Variants in PRDM15 observed in about 807,000 individuals in gnomAD.
PRDM15 encodes the protein PR/SET domain 15.
A neutral mutation model predicts 128.6 loss-of-function variants in PRDM15; 64 were observed. The ratio of observed to expected loss-of-function variants is 0.50; its 90% CI spans 0.41 to 0.61. The LOEUF is 0.61. PRDM15 is among the 20% of genes least tolerant of loss of function. PRDM15 has a pLI of 0.00. For missense variants in PRDM15, 1,242 were observed against 1,569.1 expected, an observed-to-expected ratio of 0.79 and a Z score of 3.52; for synonymous variants, 615 against 621.8, an observed-to-expected ratio of 0.99 and a Z score of 0.16.
At chr21:41,871,066 A>G (rs1470295231) in intron 1 of PRDM15, among the ~76,000 whole-genome samples, 1 of 152,214 alleles carries the variant, frequency 6.6e-6, no homozygotes, top group African/African-American at 2.4e-5. Flanking sequence ...CAGATAAAAC[A>G]CAGATACAGA....
chr21:41,872,493 AT>A (rs1374008743), intron 1 of PRDM15, among the ~76,000 whole-genome samples: 1 of 152,226 alleles, frequency 6.6e-6, no homozygotes, highest in Non-Finnish European at 1.5e-5. Flanking sequence ...TTCATTATCA[AT>A]AACTTTAATT....
chr21:41,822,591 C>T (rs1192238725), intron 14 of PRDM15, among the ~76,000 whole-genome samples: 4 of 152,216 alleles, frequency 2.6e-5, no homozygotes, highest in African/African-American at 7.2e-5. Context: ...AGATAAAATG[C>T]GACCAGTTGT....
In PRDM15 at chr21:41,859,527, A is replaced by G; in HGVS notation, c.131+65T>C. On this transcript the variant is annotated intron_variant, in intron 3 of 23. Transcript: ENST00000398548. This position sits in a 1 kb window ranked among gnomAD's most constrained non-coding sequence, Gnocchi z 5.3. ...TCCTTCCTCCCCGTCTGCAGACCCA[A>G]AGGCCACTAGGCTCCTGCCGCAGCT... 7.4e-7 allele frequency: 1 copy of G among 1,353,548 alleles called. No homozygotes were observed. Among genetic ancestry groups the G allele is most frequent in the African/African-American group, 1.5e-5 (1 of 68,776 alleles). 83.8% of individuals were successfully genotyped at this position (1,353,548 alleles called of 1,614,324 possible). A position where few individuals can be genotyped will look rare whatever the true frequency, so the allele number is the denominator to read the frequency against.
intron 19 of PRDM15, chr21:41,814,540 G>A (rs1463700609): frequency 7.1e-6 from 1 of 140,700 alleles, no homozygotes; most frequent in Non-Finnish European, 1.5e-5. Context: ...TGTTTTATGA[G>A]AACGACTTGT....
At chr21:41,806,394 TCACCACCACCACCACCATCACCAC>T (rs2061629240) in intron 21 of PRDM15, among the ~76,000 whole-genome samples, 1 of 25,002 alleles carries the variant, frequency 4.0e-5, no homozygotes, top group East Asian at 8.5e-4. Context: ...ACCACCACCA[TCACCACCACCACCACCATCACCAC>T]CACCACCATC....
Position 41,821,273 on chromosome 21 carries a change from G to A in PRDM15, c.1897-43C>T, listed in dbSNP as rs200176574. The A allele has an allele frequency of 4.4e-5, 71 of 1,610,506 alleles. No homozygotes were observed. Among genetic ancestry groups the A allele is most frequent in the Non-Finnish European group, 2.0e-5 (23 of 1,178,286 alleles). The stretch of plus-strand genomic sequence containing the variant: ...AGGGCACTGCTGACACCCGCATGAG[G>A]TCCCTGGTCCTCTTAGCTAATGAGG... On this transcript the variant is annotated intron_variant, in intron 15 of 23. Transcript: ENST00000398548. The surrounding 1 kb of genome is among the most constrained non-coding windows in gnomAD (Gnocchi z 5.4).
At chr21:41,820,207 C>G in intron 16 of PRDM15, 33 bp from the exon 17 acceptor site, 1 of 1,585,058 alleles carries the variant, frequency 6.3e-7, no homozygotes, top group Non-Finnish European at 8.6e-7. Context: ...GATGGCCGCA[C>G]AGCCTCGGGG....
chr21:41,860,741 A>G (rs2063785328), intron 1 of PRDM15, among the ~76,000 whole-genome samples: 3 of 152,116 alleles, frequency 2.0e-5, no homozygotes, highest in Admixed American at 6.5e-5. Context: ...ATAATGTTTA[A>G]AGACAATTCC....
intron 1 of PRDM15, chr21:41,861,697 A>G (rs769754580): frequency 1.9e-6 from 3 of 1,614,198 alleles, no homozygotes; most frequent in South Asian, 2.2e-5. Context: ...TTGAAGGGTG[A>G]AAAGCAGACC....
At chr21:41,870,172 T>A (rs939129540) in intron 1 of PRDM15, among the ~76,000 whole-genome samples, 2 of 152,234 alleles carry the variant, frequency 1.3e-5, no homozygotes, top group African/African-American at 4.8e-5. Context: ...CAGATTCACA[T>A]ATGTAATTTT....
Position 41,854,772 on chromosome 21 carries a change from T to C in PRDM15, c.332A>G (p.Glu111Gly). ...CAGCATCATCCAGTTGCAGTCATCC[T>C]CGTTGGAGGTGTCGAAGCACACGGG... The part of the protein sequence containing the change: ...GHPVCFDTSN[E>G]DDCNWMMLVR... The change falls in exon 5 of 24, where the codon GAG becomes GGG. Residue 111 changes from glutamate (E) to glycine (G), a missense_variant. Around this residue, in one of 3 missense-constraint regions of PRDM15, gnomAD observed 612 missense variants for 717.0 expected, o/e 0.85. Coordinates refer to ENST00000398548, the MANE Select transcript of PRDM15 (RefSeq NM_001040424.3). The surrounding 1 kb of genome is among the most constrained non-coding windows in gnomAD (Gnocchi z 4.6). 1.2e-6 allele frequency: 2 copies of C among 1,609,446 alleles called. No individual in the cohort carries two copies. Among genetic ancestry groups the C allele is most frequent in the Non-Finnish European group, 1.7e-6 (2 of 1,176,510 alleles).
At chr21:41,807,953 T>G (rs939949309) in intron 21 of PRDM15, among the ~76,000 whole-genome samples, 33 of 152,246 alleles carry the variant, frequency 2.2e-4, no homozygotes, top group African/African-American at 7.7e-4. Context: ...GAAGGCGAAC[T>G]TGCAGTTGGG....
intron 5 of PRDM15, among the ~76,000 whole-genome samples, chr21:41,852,192 GC>G (rs2063449628): frequency 6.6e-6 from 1 of 152,250 alleles, no homozygotes; most frequent in African/African-American, 2.4e-5. Context: ...GGCAACCTTT[GC>G]TTTGACCTTA....
chr21:41,806,006 TCACCAC>T (rs758891399), intron 21 of PRDM15, among the ~76,000 whole-genome samples: 4 of 42,404 alleles, frequency 9.4e-5, no homozygotes, highest in South Asian at 9.1e-4. Context: ...ACCACCACCA[TCACCAC>T]CACCATCACC....
chr21:41,818,926 G>T (rs927211378), intron 18 of PRDM15, among the ~76,000 whole-genome samples: 5 of 152,166 alleles, frequency 3.3e-5, no homozygotes, highest in African/African-American at 7.2e-5. Flanking sequence ...CGGCCGTGGT[G>T]AGTTTCTCTC....
In PRDM15 at chr21:41,854,931, G is replaced by T; in HGVS notation, c.286-113C>A. On this transcript the variant is annotated intron_variant, in intron 4 of 23. Transcript: ENST00000398548. This position sits in a 1 kb window ranked among gnomAD's most constrained non-coding sequence, Gnocchi z 4.6. ...CCCATCTAGACAGTGCCACGTCAGA[G>T]GCCATAAGGGCTCCTGTACGGGATG... 8.7e-7 allele frequency: 1 copy of T among 1,149,868 alleles called. No homozygotes were observed. Among genetic ancestry groups the T allele is most frequent in the Non-Finnish European group, 1.2e-6 (1 of 826,918 alleles). The allele number at this position is 1,149,868 out of a possible 1,614,324, so 71.2% of individuals were successfully genotyped here.
rs2061452674 is a variant in PRDM15, at chr21:41,802,838, CT to C, written c.2816del (p.Lys939SerfsTer30). ...CCGGAGCACCCGCCTCCTCTTCTGG[CT>C]TCTGCTTTCTCTTGTGACTTCGCTT... is the stretch of plus-strand genomic sequence containing the variant. Reference protein sequence around the residue: ...AAKRSHKRKQKPEEEAGAPVP... With the variant: ...AAKRSHKRKQXPEEEAGAPVP... On this transcript the variant is annotated frameshift_variant, in exon 23 of 24. Coordinates refer to ENST00000398548, the MANE Select transcript of PRDM15 (RefSeq NM_001040424.3). LOFTEE classifies it high-confidence loss of function. 6.2e-7 allele frequency: 1 copy of C among 1,614,096 alleles called. No individual in the cohort carries two copies. Among genetic ancestry groups the C allele is most frequent in the Non-Finnish European group, 8.5e-7 (1 of 1,180,052 alleles).
chr21:41,876,658 C>A (rs747241481), intron 1 of PRDM15, among the ~76,000 whole-genome samples: 3 of 152,188 alleles, frequency 2.0e-5, no homozygotes, highest in African/African-American at 7.2e-5. Flanking sequence ...GGCCCCGGGG[C>A]AGGGTCTTCT....
At chr21:41,839,564 T>G in intron 7 of PRDM15, 59 bp downstream of exon 7, 3 of 1,119,458 alleles carry the variant, frequency 2.7e-6, no homozygotes, top group Non-Finnish European at 2.6e-6. Context: ...CCGCCAGCCC[T>G]CGGGCGCCAG....
Sources: allele counts gnomAD v4.1 joint callset (sites outside exome capture counted in the v4.1 genomes callset), GRCh38; gene constraint gnomAD v4.1.1; regional missense constraint gnomAD v4.1.1; non-coding constraint Gnocchi (gnomAD v3.1); transcripts MANE v1.5; gene names NCBI Gene and HGNC (gene_info 2026-07-23, HGNC 2026-07-21).